The following TENT2 variants were observed in gnomAD, a reference collection of about 807,000 sequenced individuals.
The protein encoded by TENT2 is poly(A) RNA polymerase GLD2.
TENT2 carries 44 observed loss-of-function variants against 72.2 expected under a neutral mutation model. The observed-to-expected ratio is 0.61, with a 90% CI of 0.48 to 0.78. The LOEUF is 0.78. Ranked by LOEUF, TENT2 falls within the 30% of genes least tolerant of loss-of-function variation. The pLI is 0.00. For missense variants in TENT2, 541 were observed against 569.6 expected (o/e 0.95, Z 0.51); for synonymous variants, 212 against 192.5 (o/e 1.10, Z -0.84).
intron 6 of TENT2, 117 bp from the exon 7 acceptor site, chr5:79,642,715 A>G: frequency 1.3e-6 from 1 of 766,106 alleles, no homozygotes; most frequent in South Asian, 2.0e-5. Flanking sequence ...GTATATTGAA[A>G]AATAACTCCA....
At chr5:79,633,268 T>G (rs1273685896) in intron 4 of TENT2, among the ~76,000 whole-genome samples, 2 of 152,172 alleles carry the variant, frequency 1.3e-5, no homozygotes, top group Non-Finnish European at 2.9e-5. Flanking sequence ...TGCCAGTTTT[T>G]ATTGCAATGT....
At chr5:79,632,550 G>A (rs1211600191) in intron 4 of TENT2, among the ~76,000 whole-genome samples, 2 of 152,106 alleles carry the variant, frequency 1.3e-5, no homozygotes, top group Non-Finnish European at 2.9e-5. Flanking sequence ...TATGTGAATT[G>A]ACTTATTTGA....
intron 4 of TENT2, among the ~76,000 whole-genome samples, chr5:79,637,359 C>A (rs939569644): frequency 6.6e-6 from 1 of 152,196 alleles, no homozygotes; most frequent in Admixed American, 6.5e-5. Context: ...TTACCTCTTT[C>A]GAGATTCCAT....
intron 4 of TENT2, 113 bp downstream of exon 4, chr5:79,623,602 A>G (rs537252484): frequency 1.7e-5 from 11 of 664,828 alleles, no homozygotes; most frequent in African/African-American, 1.3e-4. Flanking sequence ...TTTTGTTGCA[A>G]TGTTTAAAGT....
chr5:79,683,717 C>T (rs1824070743), intron 14 of TENT2, among the ~76,000 whole-genome samples: 1 of 151,268 alleles, frequency 6.6e-6, no homozygotes, highest in Non-Finnish European at 1.5e-5. Flanking sequence ...AGATCGAGAC[C>T]ATCCCGGCTA....
chr5:79,687,705 C>T lies in TENT2; in HGVS notation c.*2432C>T, dbSNP rs186065419. Among the ~76,000 whole-genome samples, 57 of 152,222 alleles carry T rather than the reference C, an allele frequency of 3.7e-4. 1 individual carries two copies. In the East Asian group the frequency reaches 7.7e-3, roughly 21 times the overall value. ...TGAATTCACAAATCCTACATGGTTA[C>T]GGAGGGTTGACTGTATTTGCATATG... On this transcript the variant is annotated 3_prime_UTR_variant, in exon 15 of 15. Coordinates refer to ENST00000453514, the MANE Select transcript of TENT2 (RefSeq NM_001114394.3).
chr5:79,649,398 A>G (rs1974780), intron 10 of TENT2, among the ~76,000 whole-genome samples: 1 of 144,446 alleles, frequency 6.9e-6, no homozygotes, highest in African/African-American at 2.6e-5. Flanking sequence ...TTTTTTTTTT[A>G]TTTTTTGGAA....
At chr5:79,641,480 A>G (rs1292879786) in intron 6 of TENT2, among the ~76,000 whole-genome samples, 2 of 148,832 alleles carry the variant, frequency 1.3e-5, no homozygotes, top group Non-Finnish European at 3.0e-5. Context: ...TTGAAATGTC[A>G]TTAGTTTGGA....
chr5:79,639,766 A>G (rs1037457724), intron 4 of TENT2, among the ~76,000 whole-genome samples: 1 of 152,216 alleles, frequency 6.6e-6, no homozygotes, highest in African/African-American at 2.4e-5. Flanking sequence ...TGGAATTTAA[A>G]ATTTCAGAGC....
At chr5:79,682,519 A>G (rs1439621679) in intron 14 of TENT2, among the ~76,000 whole-genome samples, 1 of 149,038 alleles carries the variant, frequency 6.7e-6, no homozygotes, top group African/African-American at 2.5e-5. Flanking sequence ...TCCTGACTTC[A>G]GGTGATTCAC....
chr5:79,646,583 T>A (rs187578389), intron 8 of TENT2, among the ~76,000 whole-genome samples: 1 of 152,276 alleles, frequency 6.6e-6, no homozygotes, highest in East Asian at 1.9e-4. Flanking sequence ...CTTATTAAAT[T>A]TCTGCCAAGT....
chr5:79,658,800 T>C (rs1799812913), intron 11 of TENT2, among the ~76,000 whole-genome samples: 1 of 152,172 alleles, frequency 6.6e-6, no homozygotes, highest in Non-Finnish European at 1.5e-5. Flanking sequence ...GGGAATGCTT[T>C]CATAATACTC....
intron 4 of TENT2, among the ~76,000 whole-genome samples, chr5:79,633,989 T>C (rs1232137876): frequency 1.8e-5 from 1 of 55,858 alleles, no homozygotes; most frequent in East Asian, 4.7e-4. Flanking sequence ...CCGTCTCTAC[T>C]AAAAATACAA....
At chr5:79,646,973 TG>T (rs1456910502) in intron 8 of TENT2, among the ~76,000 whole-genome samples, 1 of 152,068 alleles carries the variant, frequency 6.6e-6, no homozygotes, top group Non-Finnish European at 1.5e-5. Context: ...CTCGCCATGT[TG>T]CCCAGCCTAG....
chr5:79,656,915 AG>A, intron 10 of TENT2, 42 bp from the exon 11 acceptor site: 1 of 1,470,636 alleles, frequency 6.8e-7, no homozygotes, highest in Non-Finnish European at 9.4e-7. Context: ...TTGTAAAATG[AG>A]TCACGTGAAT....
Position 79,641,086 on chromosome 5 carries a change from C to T in TENT2, c.581-19C>T, listed in dbSNP as rs1407463842. 1.3e-6 allele frequency: 2 copies of T among 1,548,184 alleles called. No individual in the cohort carries two copies. The highest frequency in any genetic ancestry group is 1.4e-5 in the African/African-American group (1 of 70,966). Reference sequence around the variant, plus strand: ...CTTTAGATTTTAAATACTCTTATTACTTTCTTCTGTTTCTTTAGAAAGCAG... The same window carrying T: ...CTTTAGATTTTAAATACTCTTATTATTTTCTTCTGTTTCTTTAGAAAGCAG... On this transcript the variant is annotated intron_variant, in intron 5 of 14. Coordinates refer to ENST00000453514, the MANE Select transcript of TENT2 (RefSeq NM_001114394.3).
At chr5:79,653,117 G>A (rs1042205624) in intron 10 of TENT2, among the ~76,000 whole-genome samples, 1 of 152,078 alleles carries the variant, frequency 6.6e-6, no homozygotes, top group African/African-American at 2.4e-5. Context: ...GAAATTTTAA[G>A]TTTGACTGAC....
In TENT2 at chr5:79,687,531, C is replaced by T. The variant is rs1052137936; in HGVS notation, c.*2258C>T. ...TAAATCATCTCTAAATTACCTGATA[C>T]GTAATACAATGTAAATGCTATGTAA... On this transcript the variant is annotated 3_prime_UTR_variant, in exon 15 of 15. Transcript: ENST00000453514. 3.9e-5 allele frequency among the ~76,000 whole-genome samples: 6 copies of T among 152,136 alleles called. No homozygotes were observed. The highest frequency in any genetic ancestry group is 2.1e-4 in the South Asian group (1 of 4,832).
intron 4 of TENT2, among the ~76,000 whole-genome samples, chr5:79,635,322 G>A (rs1300917418): frequency 1.3e-5 from 2 of 151,994 alleles, no homozygotes; most frequent in East Asian, 1.9e-4. Context: ...CAAGTTAATG[G>A]GTAGATAATG....
Sources: gnomAD v4.1 joint callset for allele counts (sites outside exome capture counted in the v4.1 genomes callset) on GRCh38, gnomAD v4.1.1 for gene constraint, MANE v1.5 for transcripts, NCBI Gene and HGNC (gene_info 2026-07-23, HGNC 2026-07-21) for gene names.